The following EPHA2 variants were observed in gnomAD, a reference collection of about 807,000 sequenced individuals.
EPHA2 encodes the protein EPH receptor A2.
A neutral mutation model predicts 104.9 loss-of-function variants in EPHA2; 54 were observed. The ratio of observed to expected loss-of-function variants is 0.51; its 90% CI spans 0.41 to 0.65. EPHA2 has a LOEUF of 0.65. Among genes scored for constraint, EPHA2 ranks in the 30% least tolerant of loss-of-function variants. EPHA2 has a pLI of 0.00. For synonymous variants in EPHA2, 560 were observed against 559.1 expected, an observed-to-expected ratio of 1.00 and a Z score of -0.02; for missense variants, 1,117 against 1,369.5, an observed-to-expected ratio of 0.82 and a Z score of 2.91.
chr1:16,155,989 C>A lies in EPHA2; in HGVS notation c.-57G>T, dbSNP rs928574252. On this transcript the variant is annotated 5_prime_UTR_variant, in exon 1 of 17. Coordinates refer to ENST00000358432, the MANE Select transcript of EPHA2 (RefSeq NM_004431.5). Reference sequence around the variant, plus strand: ...CGAGCCCGGCTCCCGCACACCCGCACGCCTGCACGCCGGCCTCGGTGTCCG... The same window carrying A: ...CGAGCCCGGCTCCCGCACACCCGCAAGCCTGCACGCCGGCCTCGGTGTCCG... The A allele has an allele frequency of 2.2e-6, 3 of 1,380,274 alleles. No individual in the cohort carries two copies. The highest frequency in any genetic ancestry group is 6.1e-5 in the East Asian group (2 of 32,620). The allele number at this position is 1,380,274 out of a possible 1,614,324, so 85.5% of individuals were successfully genotyped here. A position where few individuals can be genotyped will look rare whatever the true frequency, so the allele number is the denominator to read the frequency against.
intron 11 of EPHA2, chr1:16,132,974 G>C: frequency 3.3e-6 from 2 of 612,622 alleles, no homozygotes; most frequent in South Asian, 3.7e-5. Flanking sequence ...GGTGTAAGGA[G>C]GTGGGTGCAG....
chr1:16,142,739 G>A (rs573280612), intron 3 of EPHA2, among the ~76,000 whole-genome samples: 1 of 137,384 alleles, frequency 7.3e-6, no homozygotes, highest in Non-Finnish European at 1.6e-5. Flanking sequence ...GATGGGTGGG[G>A]AGGATGGACA....
rs1182725771 is a variant in EPHA2 at position 16,125,507 on chromosome 1, A to T, written c.2826-187T>A. Among the ~76,000 whole-genome samples the T allele has an allele frequency of 2.0e-5, 3 of 152,074 alleles. No individual in the cohort carries two copies. Among genetic ancestry groups the T allele is most frequent in the Non-Finnish European group, 2.9e-5 (2 of 67,998 alleles). On this transcript the variant is annotated intron_variant, in intron 16 of 16. Coordinates refer to ENST00000358432, the MANE Select transcript of EPHA2 (RefSeq NM_004431.5). The surrounding 1 kb of genome is among the most constrained non-coding windows in gnomAD (Gnocchi z 4.9). ...CTGGTTAGGTAGGCCTGGGAGAAGG[A>T]GCCACAGCCTAGAAGCTTGCCAAGG... is the stretch of plus-strand genomic sequence containing the variant.
chr1:16,137,584 C>T (rs557603661), intron 5 of EPHA2, among the ~76,000 whole-genome samples: 19 of 152,128 alleles, frequency 1.2e-4, no homozygotes, highest in South Asian at 6.2e-4. Context: ...GGCAACAGAG[C>T]GAGACTCTGT....
At position 16,135,700 on chromosome 1, in the gene EPHA2, C is replaced by T. The variant is rs143181899; in HGVS notation, c.1383G>A (p.Pro461=). 8.7e-5 allele frequency: 140 copies of T among 1,613,568 alleles called. 1 individual carries two copies. The Middle Eastern group carries it at 2.0e-3, about 23-fold the overall frequency. ...SLSVSWSIPP[P]QQSRVWKYEV... is the part of the protein sequence containing the mutation. ...CGTACTTCCACACTCGGCTCTGCTG[C>T]GGCGGGGGGATGCTCCAGGAGACGC... The change falls in exon 6 of 17, where the codon CCG becomes CCA. Residue 461 remains proline (P), a synonymous_variant. Transcript: ENST00000358432. This position sits in a 1 kb window ranked among gnomAD's most constrained non-coding sequence, Gnocchi z 4.3.
chr1:16,144,221 G>A (rs1451966707), intron 3 of EPHA2, among the ~76,000 whole-genome samples: 1 of 152,216 alleles, frequency 6.6e-6, no homozygotes, highest in African/African-American at 2.4e-5. Context: ...GTGAGCTGAG[G>A]GTGGGGCAGA....
rs1027225937 is a variant in EPHA2 at position 16,155,593 on chromosome 1, C to T, written c.85+255G>A. ...CGCCGCCTGGACTGCAACCGCGTGG[C>T]CTGCGCCGCGTCCTCTTCTCCGCAG... is the stretch of plus-strand genomic sequence containing the variant. On this transcript the variant is annotated intron_variant, in intron 1 of 16. Coordinates refer to ENST00000358432, the MANE Select transcript of EPHA2 (RefSeq NM_004431.5). 4.6e-5 allele frequency: 18 copies of T among 395,488 alleles called. No homozygotes were observed. In the East Asian group the frequency reaches 6.8e-4, roughly 15 times the overall value. The allele number at this position is 395,488 out of a possible 1,614,324, so 24.5% of individuals were successfully genotyped here. A position where few individuals can be genotyped will look rare whatever the true frequency, so the allele number is the denominator to read the frequency against.
At chr1:16,141,876 C>T (rs976225644) in intron 3 of EPHA2, among the ~76,000 whole-genome samples, 13 of 152,224 alleles carry the variant, frequency 8.5e-5, no homozygotes, top group Admixed American at 2.6e-4. Context: ...GCCTGCCTGA[C>T]GAGATGTGCT....
At chr1:16,155,622 C>T in intron 1 of EPHA2, 1 of 414,706 alleles carries the variant, frequency 2.4e-6, no homozygotes, top group Admixed American at 4.5e-5. Flanking sequence ...TCCGCAGCCT[C>T]CGAGGCCCGT....
intron 1 of EPHA2, among the ~76,000 whole-genome samples, chr1:16,155,029 C>T (rs1196939786): frequency 1.3e-5 from 2 of 152,132 alleles, no homozygotes; most frequent in Non-Finnish European, 2.9e-5. Flanking sequence ...CGGCCCCTCA[C>T]TCGGCGCGGC....
In EPHA2 at chr1:16,124,919, A is replaced by C; in HGVS notation, c.*296T>G. ...GGGAAGGTCGGCTTGGGAATATCCCATATGTCTGTCCGAAGGCTGTGGCGG... is the reference window on the plus strand; with the variant it reads ...GGGAAGGTCGGCTTGGGAATATCCCCTATGTCTGTCCGAAGGCTGTGGCGG... On this transcript the variant is annotated 3_prime_UTR_variant, in exon 17 of 17. Coordinates refer to ENST00000358432, the MANE Select transcript of EPHA2 (RefSeq NM_004431.5). The C allele has an allele frequency of 7.1e-6, 3 of 424,258 alleles. No homozygotes were observed. The highest frequency in any genetic ancestry group is 4.6e-5 in the East Asian group (1 of 21,878). 26.3% of individuals were successfully genotyped at this position (424,258 alleles called of 1,614,324 possible). A position where few individuals can be genotyped will look rare whatever the true frequency, so the allele number is the denominator to read the frequency against.
Position 16,137,794 on chromosome 1 carries a change from C to T in EPHA2, c.1312+59G>A, listed in dbSNP as rs2024742526. 4 of 1,603,384 alleles carry T rather than the reference C, an allele frequency of 2.5e-6. No homozygotes were observed. In the South Asian group the frequency reaches 3.3e-5, roughly 13 times the overall value. On this transcript the variant is annotated intron_variant, in intron 5 of 16. Transcript: ENST00000358432. Reference sequence around the variant, plus strand: ...CACACCCGAGCCCCAGATGGCCGTCCTCCTTAAGCCCCACCTGGGCAGGCC... The same window carrying T: ...CACACCCGAGCCCCAGATGGCCGTCTTCCTTAAGCCCCACCTGGGCAGGCC...
chr1:16,143,603 C>T (rs920794486), intron 3 of EPHA2, among the ~76,000 whole-genome samples: 28 of 152,154 alleles, frequency 1.8e-4, no homozygotes, highest in Admixed American at 3.3e-4. Flanking sequence ...GGGACAGACG[C>T]CCTTATCGTG....
At chr1:16,143,232 A>G (rs972940587) in intron 3 of EPHA2, among the ~76,000 whole-genome samples, 10 of 151,050 alleles carry the variant, frequency 6.6e-5, no homozygotes, top group African/African-American at 2.2e-4. Context: ...GGAGGGGTGG[A>G]TGGATGGATG....
In EPHA2 at chr1:16,135,066, C is replaced by T. The variant is rs767658655; in HGVS notation, c.1552G>A (p.Gly518Ser). ...QALTQEGQGA[G>S]SKVHEFQTLS... The stretch of plus-strand genomic sequence containing the variant: ...GTCTGGAATTCGTGCACCTTGCTGC[C>T]GGCCCCCTGGCCCTCCTGCGTCAGT... The change falls in exon 7 of 17, where the codon GGC (glycine) becomes AGC (serine). Residue 518 changes from glycine (G) to serine (S), a missense_variant. Physicochemically the swap from Gly to Ser is moderately conservative, Grantham distance 56 (BLOSUM62 0). Coordinates refer to ENST00000358432, the MANE Select transcript of EPHA2 (RefSeq NM_004431.5). This position sits in a 1 kb window ranked among gnomAD's most constrained non-coding sequence, Gnocchi z 4.3. 3.0e-5 allele frequency: 48 copies of T among 1,613,468 alleles called. No homozygotes were observed. The highest frequency in any genetic ancestry group is 4.0e-5 in the African/African-American group (3 of 74,946).
chr1:16,137,065 G>A (rs1394609593), intron 5 of EPHA2, among the ~76,000 whole-genome samples: 1 of 151,942 alleles, frequency 6.6e-6, no homozygotes, highest in East Asian at 2.0e-4. Context: ...CTCCCAAAGT[G>A]CTGGGATTAC....
intron 3 of EPHA2, among the ~76,000 whole-genome samples, chr1:16,142,536 TGA>T (rs1298182228): frequency 7.9e-5 from 12 of 151,744 alleles, no homozygotes; most frequent in Non-Finnish European, 1.6e-4. Context: ...GATGGGTAGA[TGA>T]GTGTGTGGAT....
At position 16,129,460 on chromosome 1, in the gene EPHA2, G is replaced by C. The variant is rs374544665; in HGVS notation, c.2799C>G (p.Ile933Met). ...EHFMAAGYTA[I>M]EKVVQMTNDD... ...CGTTGGTCATCTGCACCACCTTCTC[G>C]ATGGCAGTGTAGCCGGCCGCCATGA... is the stretch of plus-strand genomic sequence containing the variant. Residue 933 changes from isoleucine to methionine, a missense_variant, in exon 16 of 17, where the codon ATC becomes ATG. Coordinates refer to ENST00000358432, the MANE Select transcript of EPHA2 (RefSeq NM_004431.5). 115 of 1,613,548 alleles carry C rather than the reference G, an allele frequency of 7.1e-5. No individual in the cohort carries two copies. Among genetic ancestry groups the C allele is most frequent in the Non-Finnish European group, 8.8e-5 (104 of 1,180,020 alleles).
chr1:16,144,603 C>G (rs1439178588), intron 3 of EPHA2, among the ~76,000 whole-genome samples: 1 of 152,224 alleles, frequency 6.6e-6, no homozygotes, highest in Non-Finnish European at 1.5e-5. Context: ...ACAGCTTCCC[C>G]GGTGTTCAGA....
Sources: gnomAD v4.1 joint callset for allele counts (sites outside exome capture counted in the v4.1 genomes callset) on GRCh38, gnomAD v4.1.1 for gene constraint, Gnocchi (gnomAD v3.1) non-coding constraint, MANE v1.5 for transcripts, NCBI Gene and HGNC (gene_info 2026-07-23, HGNC 2026-07-21) for gene names.